INPP5F: variants seen among roughly 807,000 people sequenced by gnomAD.
The protein encoded by INPP5F is inositol polyphosphate-5-phosphatase F, also known as phosphatidylinositide 4-phosphatase SAC2.
In INPP5F, 97 loss-of-function variants were observed where a neutral mutation model predicts 137.2. The observed-to-expected ratio is 0.71, with a 90% CI of 0.60 to 0.84. The LOEUF is 0.84. Ranked by LOEUF, INPP5F falls within the 40% of genes least tolerant of loss-of-function variation. The pLI, the probability that INPP5F is intolerant of heterozygous loss-of-function variation, is 0.00. For synonymous variants in INPP5F, 504 were observed against 476.9 expected (o/e 1.06, Z -0.74); for missense variants, 1,271 against 1,371.9 (o/e 0.93, Z 1.16).
intron 18 of INPP5F, 104 bp downstream of exon 18, chr10:119,823,303 A>G (rs981686040): frequency 9.1e-7 from 1 of 1,099,934 alleles, no homozygotes; most frequent in African/African-American, 1.6e-5. Flanking sequence ...ACTGAATGAG[A>G]GAGGGTCCAG....
intron 2 of INPP5F, among the ~76,000 whole-genome samples, chr10:119,772,962 A>T (rs539646396): frequency 6.6e-6 from 1 of 151,720 alleles, no homozygotes; most frequent in Admixed American, 6.6e-5. Flanking sequence ...GTTGGCCAGG[A>T]TGGTCTTGAA....
At position 119,757,408 on chromosome 10, in the gene INPP5F, G is replaced by A. The variant is rs940744877; in HGVS notation, c.178+6252G>A. Among the ~76,000 whole-genome samples the A allele has an allele frequency of 3.9e-5, 6 of 152,092 alleles. No individual in the cohort carries two copies. The East Asian group carries it at 1.2e-3, about 29-fold the overall frequency. The stretch of plus-strand genomic sequence containing the variant: ...GAGGAACAGAAAGTAGGAGGGATGT[G>A]TAATGCATCAAATAGGTGAAAGAAA... On this transcript the variant is annotated intron_variant, in intron 2 of 19. Transcript: ENST00000650623.
intron 2 of INPP5F, among the ~76,000 whole-genome samples, chr10:119,764,979 C>T (rs1387426271): frequency 1.3e-5 from 2 of 152,118 alleles, no homozygotes; most frequent in Admixed American, 6.5e-5. Context: ...GTCGCCCAGA[C>T]TGGAGTGCAG....
At chr10:119,793,833 C>T (rs1239996169) in intron 6 of INPP5F, among the ~76,000 whole-genome samples, 3 of 151,898 alleles carry the variant, frequency 2.0e-5, no homozygotes, top group African/African-American at 7.3e-5. Context: ...TTAGTAGAGA[C>T]GGGGTTTCAC....
chr10:119,745,587 G>A (rs1848505946), intron 1 of INPP5F, among the ~76,000 whole-genome samples: 1 of 36,970 alleles, frequency 2.7e-5, no homozygotes, highest in African/African-American at 9.8e-5. Flanking sequence ...TTTAACTTTT[G>A]GGTAAGGTTT....
intron 2 of INPP5F, among the ~76,000 whole-genome samples, chr10:119,752,031 A>C (rs1463106883): frequency 6.6e-6 from 1 of 152,216 alleles, no homozygotes; most frequent in Non-Finnish European, 1.5e-5. Flanking sequence ...TTATTTCTGT[A>C]TAATTGTGAG....
rs1850163960 is a variant in INPP5F, at chr10:119,792,026, T to A, written c.602T>A (p.Leu201His). The change falls in exon 5 of 20, where the codon CTC (leucine) becomes CAC (histidine). Residue 201 changes from leucine to histidine, a missense_variant. Transcript: ENST00000650623. ...QSTGERDGRP[L>H]WQKVDDRFFW... ...ACTGGGGAGAGGGACGGTCGGCCCC[T>A]CTGGCAGAAGGTACCACTCACAGCT... 6.2e-7 allele frequency: 1 copy of A among 1,614,106 alleles called. No homozygotes were observed. The highest frequency in any genetic ancestry group is 8.5e-7 in the Non-Finnish European group (1 of 1,180,050).
At chr10:119,810,537 T>C (rs1850988640) in intron 14 of INPP5F, among the ~76,000 whole-genome samples, 1 of 152,204 alleles carries the variant, frequency 6.6e-6, no homozygotes, top group Non-Finnish European at 1.5e-5. Context: ...AACTTCATAT[T>C]CCGTTTGTTT....
In INPP5F at chr10:119,827,651, C is replaced by T. The variant is rs1463159113; in HGVS notation, c.3270C>T (p.Thr1090=). 1 of 1,614,088 alleles carries T rather than the reference C, an allele frequency of 6.2e-7. No homozygotes were observed. The highest frequency in any genetic ancestry group is 8.5e-7 in the Non-Finnish European group (1 of 1,179,998). ...CTAGTATTACCCAAGCTGGATTAAC[C>T]CATGGGATAAACTTTGCAGTGTCAA... ...QVASITQAGL[T]HGINFAVSKV... Residue 1090 remains threonine (T), a synonymous_variant, in exon 20 of 20, where the codon ACC becomes ACT. Coordinates refer to ENST00000650623, the MANE Select transcript of INPP5F (RefSeq NM_014937.4).
chr10:119,800,125 G>A (rs533935566), intron 9 of INPP5F, among the ~76,000 whole-genome samples: 9 of 151,686 alleles, frequency 5.9e-5, no homozygotes, highest in Admixed American at 2.0e-4. Flanking sequence ...AAAAAAACTT[G>A]ATACATTTGG....
chr10:119,798,784 TAC>T (rs1850480802), intron 9 of INPP5F, among the ~76,000 whole-genome samples, 174 bp downstream of exon 9: 2 of 146,188 alleles, frequency 1.4e-5, no homozygotes, highest in African/African-American at 2.5e-5. Flanking sequence ...TTGAGTCAGC[TAC>T]TTTTTTTTTT....
chr10:119,739,219 G>A (rs758400700), intron 1 of INPP5F, among the ~76,000 whole-genome samples: 1 of 151,972 alleles, frequency 6.6e-6, no homozygotes, highest in Non-Finnish European at 1.5e-5. Flanking sequence ...TTTTAGGTGA[G>A]TCTTTCATTT....
Position 119,765,865 on chromosome 10 carries a change from CTATA to C in INPP5F, c.178+14722_178+14725del, listed in dbSNP as rs551639582. Among the ~76,000 whole-genome samples, 104 of 29,884 alleles carry C rather than the reference CTATA, an allele frequency of 3.5e-3. 1 individual carries two copies. Among genetic ancestry groups the C allele is most frequent in the African/African-American group, 6.5e-3 (94 of 14,534 alleles). 19.6% of individuals were successfully genotyped at this position (29,884 alleles called of 152,430 possible). ...TTAATCTCTCTGTATACACTATATA[CTATA>C]TATATATATATAGAGAGAGAGAGAG... On this transcript the variant is annotated intron_variant, in intron 2 of 19. Coordinates refer to ENST00000650623, the MANE Select transcript of INPP5F (RefSeq NM_014937.4).
At chr10:119,819,727 A>G (rs547755258) in intron 15 of INPP5F, 1 of 412,876 alleles carries the variant, frequency 2.4e-6, no homozygotes, top group East Asian at 3.7e-5. Flanking sequence ...TTTTTGATAT[A>G]TTATTGTACG....
chr10:119,817,972 A>C (rs550116220), intron 15 of INPP5F, among the ~76,000 whole-genome samples: 2 of 152,350 alleles, frequency 1.3e-5, no homozygotes, highest in Non-Finnish European at 2.9e-5. Context: ...AAAACAGGCA[A>C]GCATTCTGGA....
intron 2 of INPP5F, among the ~76,000 whole-genome samples, chr10:119,780,912 G>T (rs541647574): frequency 1.6e-4 from 24 of 152,224 alleles, no homozygotes; most frequent in Non-Finnish European, 3.4e-4. Context: ...AGCATCCGTG[G>T]AGTTTGGTAT....
Position 119,827,525 on chromosome 10 carries a change from A to C in INPP5F, c.3144A>C (p.Glu1048Asp). The change falls in exon 20 of 20, where the codon GAA becomes GAC. Residue 1048 changes from glutamate (E) to aspartate (D), a missense_variant. This residue lies in a region of INPP5F where 490 missense variants were observed against 443.7 expected (regional missense o/e 1.10). Coordinates refer to ENST00000650623, the MANE Select transcript of INPP5F (RefSeq NM_014937.4). ...CCACCTCCGCTTCCAGCATGCTTGAACTTGAGACAGGGCTTCATGTAACTC... is the reference window on the plus strand; with the variant it reads ...CCACCTCCGCTTCCAGCATGCTTGACCTTGAGACAGGGCTTCATGTAACTC... ...KTPTSASSMLELETGLHVTPS... is the reference protein window; with the variant it reads ...KTPTSASSMLDLETGLHVTPS... The C allele has an allele frequency of 6.2e-7, 1 of 1,614,004 alleles. No individual in the cohort carries two copies. Among genetic ancestry groups the C allele is most frequent in the Non-Finnish European group, 8.5e-7 (1 of 1,179,940 alleles).
chr10:119,828,525 GAAGT>G lies in INPP5F; in HGVS notation c.*746_*749del, dbSNP rs1486340081. 1 of 152,128 alleles carries G rather than the reference GAAGT, an allele frequency of 6.6e-6. No homozygotes were observed. Among genetic ancestry groups the G allele is most frequent in the African/African-American group, 2.4e-5 (1 of 41,398 alleles). The allele number at this position is 152,128 out of a possible 1,614,324, so 9.4% of individuals were successfully genotyped here. ...CCCATATTGGCTACTGGAAATTCTA[GAAGT>G]CAGTCAGGTTTTAATTTATTCCAGG... is the stretch of plus-strand genomic sequence containing the variant. On this transcript the variant is annotated 3_prime_UTR_variant, in exon 20 of 20. Transcript: ENST00000650623.
In INPP5F at chr10:119,791,679, C is replaced by T. The variant is rs778207833; in HGVS notation, c.444+34C>T. On this transcript the variant is annotated intron_variant, in intron 4 of 19. Transcript: ENST00000650623. ...TTAATTGATATAGGCTTTGAATTCA[C>T]CTTTGATTAGTTTTAAATAGAGAGA... 1.9e-6 allele frequency: 3 copies of T among 1,546,490 alleles called. No individual in the cohort carries two copies. In the South Asian group the frequency reaches 3.4e-5, roughly 18 times the overall value.
Sources: allele counts gnomAD v4.1 joint callset (sites outside exome capture counted in the v4.1 genomes callset), GRCh38; gene constraint gnomAD v4.1.1; regional missense constraint gnomAD v4.1.1; transcripts MANE v1.5; gene names NCBI Gene and HGNC (gene_info 2026-07-23, HGNC 2026-07-21).